The following AREL1 variants were observed in gnomAD, a reference collection of about 807,000 sequenced individuals.
The protein encoded by AREL1 is apoptosis-resistant E3 ubiquitin protein ligase 1.
In AREL1, 62 loss-of-function variants were observed where a neutral mutation model predicts 99.0. The observed-to-expected ratio is 0.63, with a 90% CI of 0.51 to 0.77. AREL1 has a LOEUF of 0.77. AREL1 is among the 30% of genes least tolerant of loss of function. The probability of loss-of-function intolerance (pLI) is 0.00; values close to 1 mark genes in which losing one functional copy is unlikely to be tolerated. For synonymous variants in AREL1, 380 were observed against 376.5 expected, an observed-to-expected ratio of 1.01 and a Z score of -0.11; for missense variants, 879 against 1,027.6, an observed-to-expected ratio of 0.86 and a Z score of 1.98.
intron 1 of AREL1, among the ~76,000 whole-genome samples, chr14:74,696,874 G>A (rs28565226): frequency 6.6e-6 from 1 of 152,196 alleles, no homozygotes; most frequent in African/African-American, 2.4e-5. Flanking sequence ...TGAGGCAGGA[G>A]AATCACTTGA....
intron 11 of AREL1, chr14:74,672,126 A>G: frequency 2.6e-6 from 1 of 379,162 alleles, no homozygotes. Flanking sequence ...ATTTCCTTTT[A>G]ATTCAACAAG....
chr14:74,678,859 T>C (rs1183074129), intron 5 of AREL1, among the ~76,000 whole-genome samples: 1 of 152,172 alleles, frequency 6.6e-6, no homozygotes. Flanking sequence ...ACCAACAGTT[T>C]GACCATAAAA....
intron 5 of AREL1, among the ~76,000 whole-genome samples, chr14:74,682,198 C>G (rs567506007): frequency 5.1e-4 from 77 of 152,136 alleles, no homozygotes; most frequent in Non-Finnish European, 7.1e-4. Flanking sequence ...TTGTCCAGAG[C>G]CTTACTCTGC....
intron 5 of AREL1, among the ~76,000 whole-genome samples, chr14:74,677,643 C>T (rs2089522423): frequency 6.8e-6 from 1 of 147,830 alleles, no homozygotes; most frequent in Non-Finnish European, 1.5e-5. Context: ...GCTGGGACTA[C>T]AGGCACCCGC....
chr14:74,671,920 T>C (rs192044215), intron 11 of AREL1: 144 of 437,038 alleles, frequency 3.3e-4, no homozygotes, highest in African/African-American at 2.8e-3. Context: ...CAGCGAGCCA[T>C]GCCACACGGA....
chr14:74,662,943 T>C lies in AREL1; in HGVS notation c.*777A>G, dbSNP rs189030078. On this transcript the variant is annotated 3_prime_UTR_variant, in exon 20 of 20. Coordinates refer to ENST00000356357, the MANE Select transcript of AREL1 (RefSeq NM_001039479.2). Reference sequence around the variant, plus strand: ...GCATCAGTAGTCTCCAAGCCAGCCATATGCCTAGGCATGCCCCACTCTGGA... The same window carrying C: ...GCATCAGTAGTCTCCAAGCCAGCCACATGCCTAGGCATGCCCCACTCTGGA... 404 of 259,486 alleles carry C rather than the reference T, an allele frequency of 1.6e-3. 1 individual carries two copies. Among genetic ancestry groups the C allele is most frequent in the Middle Eastern group, 3.5e-3 (3 of 860 alleles). 16.1% of individuals were successfully genotyped at this position (259,486 alleles called of 1,614,324 possible).
At chr14:74,712,038 C>CAAAAAATAAAAAAAAAA (rs2090305229) in intron 1 of AREL1, 1 of 28,708 alleles carries the variant, frequency 3.5e-5, no homozygotes, top group Non-Finnish European at 6.0e-5. Flanking sequence ...AGACAAAGTG[C>CAAAAAATAAAAAAAAAA]AAAAAAAAAA....
In AREL1 at chr14:74,669,941, T is replaced by C. The variant is rs775755649; in HGVS notation, c.1788+6A>G. ...CTTAGTAGGAAATGCACACCCAAGA[T>C]GTTACCTTGTAATGCATACGCAGTC... is the stretch of plus-strand genomic sequence containing the variant. On this transcript the variant is annotated splice_donor_region_variant and intron_variant, in intron 14 of 19. Coordinates refer to ENST00000356357, the MANE Select transcript of AREL1 (RefSeq NM_001039479.2). The C allele has an allele frequency of 7.5e-6, 12 of 1,603,066 alleles. No individual in the cohort carries two copies. The highest frequency in any genetic ancestry group is 1.0e-5 in the Non-Finnish European group (12 of 1,173,808).
intron 2 of AREL1, among the ~76,000 whole-genome samples, chr14:74,687,072 G>A (rs895962316): frequency 1.3e-5 from 2 of 152,204 alleles, no homozygotes; most frequent in African/African-American, 4.8e-5. Flanking sequence ...ATGACTTGGT[G>A]GGACCAAAAC....
At chr14:74,678,456 C>T (rs896264924) in intron 5 of AREL1, 7 of 213,880 alleles carry the variant, frequency 3.3e-5, no homozygotes, top group South Asian at 5.1e-5. Flanking sequence ...CATGATCGCA[C>T]CACTGCACTC....
Position 74,692,200 on chromosome 14 carries a change from A to G in AREL1, c.-205T>C, listed in dbSNP as rs1442544588. 2.2e-6 allele frequency: 1 copy of G among 455,478 alleles called. No homozygotes were observed. The highest frequency in any genetic ancestry group is 3.3e-4 in the Middle Eastern group (1 of 3,076). The allele number at this position is 455,478 out of a possible 1,614,324, so 28.2% of individuals were successfully genotyped here. A position where few individuals can be genotyped will look rare whatever the true frequency, so the allele number is the denominator to read the frequency against. On this transcript the variant is annotated 5_prime_UTR_variant, in exon 2 of 20. Coordinates refer to ENST00000356357, the MANE Select transcript of AREL1 (RefSeq NM_001039479.2). Reference sequence around the variant, plus strand: ...TCTATCCATCAGACTTTGTCACAGTAATCAGGTCAGTGTTTCTGGGATGAA... The same window carrying G: ...TCTATCCATCAGACTTTGTCACAGTGATCAGGTCAGTGTTTCTGGGATGAA...
intron 2 of AREL1, among the ~76,000 whole-genome samples, chr14:74,691,314 T>C (rs1301034750): frequency 1.6e-5 from 2 of 127,050 alleles, no homozygotes; most frequent in Admixed American, 1.8e-4. Flanking sequence ...AGAAAGACCC[T>C]GTCTCCATTT....
chr14:74,683,790 G>A lies in AREL1; in HGVS notation c.244-257C>T, dbSNP rs116451601. The stretch of plus-strand genomic sequence containing the variant: ...AGGGTAGAATTTACCACTAAATCAA[G>A]AAAATGTCCATTTTAACTTGCCACT... On this transcript the variant is annotated intron_variant, in intron 4 of 19. Transcript: ENST00000356357. 4.1e-3 allele frequency among the ~76,000 whole-genome samples: 620 copies of A among 152,268 alleles called. 2 individuals carry two copies. The highest frequency in any genetic ancestry group is 0.01 in the Middle Eastern group (3 of 294).
chr14:74,681,042 C>T (rs779283154), intron 5 of AREL1, among the ~76,000 whole-genome samples: 7 of 152,000 alleles, frequency 4.6e-5, no homozygotes, highest in African/African-American at 1.2e-4. Context: ...AAAAATTAAC[C>T]GAGCGTGGTG....
intron 15 of AREL1, among the ~76,000 whole-genome samples, chr14:74,668,558 C>A (rs1339410742): frequency 6.6e-6 from 1 of 151,892 alleles, no homozygotes; most frequent in Non-Finnish European, 1.5e-5. Flanking sequence ...TTAAAATGAG[C>A]ACTACCCTGG....
Position 74,669,780 on chromosome 14 carries a change from G to A in AREL1, c.1789-6C>T, listed in dbSNP as rs781412833. 6.2e-7 allele frequency: 1 copy of A among 1,614,064 alleles called. No homozygotes were observed. Among genetic ancestry groups the A allele is most frequent in the Non-Finnish European group, 8.5e-7 (1 of 1,179,974 alleles). ...GGGTCATCTGTTTCAAAGTACTGAG[G>A]AGGCAGAAAGACACAGAACAGAACA... On this transcript the variant is annotated splice_polypyrimidine_tract_variant and splice_region_variant and intron_variant, in intron 14 of 19. Transcript: ENST00000356357.
intron 8 of AREL1, among the ~76,000 whole-genome samples, chr14:74,674,626 T>A (rs918669789): frequency 2.6e-5 from 4 of 151,992 alleles, no homozygotes; most frequent in African/African-American, 7.3e-5. Context: ...ATAAAAAAAA[T>A]ATGACTGACA....
chr14:74,705,108 C>T (rs975173750), intron 1 of AREL1, among the ~76,000 whole-genome samples: 11 of 151,542 alleles, frequency 7.3e-5, no homozygotes, highest in African/African-American at 4.9e-5. Flanking sequence ...GGCACCATCT[C>T]GGCTCACCGC....
chr14:74,683,266 A>G, intron 5 of AREL1, 30 bp downstream of exon 5: 1 of 1,511,356 alleles, frequency 6.6e-7, no homozygotes, highest in African/African-American at 1.4e-5. Flanking sequence ...GAAGGAGACA[A>G]AGGGAAAAAG....
Sources: allele counts gnomAD v4.1 joint callset (sites outside exome capture counted in the v4.1 genomes callset), GRCh38; gene constraint gnomAD v4.1.1; transcripts MANE v1.5; gene names NCBI Gene and HGNC (gene_info 2026-07-23, HGNC 2026-07-21).